The following CSPP1 variants were observed in gnomAD, a reference collection of about 807,000 sequenced individuals.
CSPP1 encodes centrosome and spindle pole associated protein 1, also known as centrosome and spindle pole-associated protein 1.
In CSPP1, 126 loss-of-function variants were observed where a neutral mutation model predicts 164.4. The ratio of observed to expected loss-of-function variants is 0.77; its 90% CI spans 0.66 to 0.89. The LOEUF (loss-of-function observed/expected upper bound fraction) is 0.89, where lower values mean the gene tolerates loss of function less well. CSPP1 is among the 40% of genes least tolerant of loss of function. The probability of loss-of-function intolerance (pLI) is 0.00; values close to 1 mark genes in which losing one functional copy is unlikely to be tolerated. For synonymous variants in CSPP1, 472 were observed against 476.7 expected (o/e 0.99, Z 0.13); for missense variants, 1,395 against 1,449.8 (o/e 0.96, Z 0.61).
At chr8:67,091,477 TGAA>T (rs1811594784) in intron 4 of CSPP1, among the ~76,000 whole-genome samples, 1 of 152,224 alleles carries the variant, frequency 6.6e-6, no homozygotes, top group South Asian at 2.1e-4. Context: ...GCACTGATAA[TGAA>T]GAGTACATGC....
chr8:67,191,740 A>G (rs1252576021), intron 29 of CSPP1, among the ~76,000 whole-genome samples: 1 of 152,134 alleles, frequency 6.6e-6, no homozygotes. Flanking sequence ...GAAGTTTCTG[A>G]TGTTTTTATT....
intron 7 of CSPP1, among the ~76,000 whole-genome samples, chr8:67,100,724 C>T (rs1813884911): frequency 6.6e-6 from 1 of 150,692 alleles, no homozygotes; most frequent in Admixed American, 6.6e-5. Context: ...GGACTATAGG[C>T]ATGAGCCGCC....
chr8:67,169,812 G>A (rs2129565524), intron 24 of CSPP1, among the ~76,000 whole-genome samples: 1 of 152,134 alleles, frequency 6.6e-6, no homozygotes, highest in African/African-American at 2.4e-5. Context: ...GCAGTGGCAT[G>A]ATCTTGGCTC....
intron 28 of CSPP1, among the ~76,000 whole-genome samples, chr8:67,188,307 C>A (rs1306871347): frequency 6.6e-6 from 1 of 152,166 alleles, no homozygotes; most frequent in African/African-American, 2.4e-5. Flanking sequence ...CAAATCTAGG[C>A]CGACTAAGAA....
intron 16 of CSPP1, chr8:67,133,519 C>G (rs1191657989): frequency 6.6e-6 from 1 of 152,214 alleles, no homozygotes. Flanking sequence ...TTTAAAAATA[C>G]TGTATTGCTA....
rs547526195 is a variant in CSPP1, at chr8:67,196,483, A to C, written c.*890A>C. ...TTGTGACATTCTGACTCAGATTAGA[A>C]TCTCAGAACCATGACAGCTGAGAAC... On this transcript the variant is annotated 3_prime_UTR_variant, in exon 31 of 31. Transcript: ENST00000678616. Among the ~76,000 whole-genome samples, 21 of 152,358 alleles carry C rather than the reference A, an allele frequency of 1.4e-4. No homozygotes were observed. Among genetic ancestry groups the C allele is most frequent in the African/African-American group, 5.1e-4 (21 of 41,584 alleles).
chr8:67,073,203 A>T (rs1807198590), intron 1 of CSPP1, among the ~76,000 whole-genome samples: 1 of 152,224 alleles, frequency 6.6e-6, no homozygotes, highest in Admixed American at 6.5e-5. Flanking sequence ...TTAGCAGTTC[A>T]GGAATTAGAC....
chr8:67,102,979 T>A (rs1814462803), intron 7 of CSPP1, 58 bp from the exon 8 acceptor site: 2 of 948,896 alleles, frequency 2.1e-6, no homozygotes, highest in Admixed American at 2.1e-5. Context: ...AACACCAAAC[T>A]GTTATAAGAA....
At chr8:67,104,825 T>A (rs930193247) in intron 8 of CSPP1, among the ~76,000 whole-genome samples, 3 of 148,286 alleles carry the variant, frequency 2.0e-5, no homozygotes, top group Non-Finnish European at 4.5e-5. Context: ...TTTTTAGTAG[T>A]GATGGGATTT....
At chr8:67,164,357 G>A in intron 23 of CSPP1, 34 bp from the exon 24 acceptor site, 2 of 983,690 alleles carry the variant, frequency 2.0e-6, no homozygotes, top group South Asian at 1.3e-5. Context: ...TCTTATTCCT[G>A]TCTTGTGTTT....
At chr8:67,159,926 T>C (rs201829038) in intron 21 of CSPP1, among the ~76,000 whole-genome samples, 6 of 41,558 alleles carry the variant, frequency 1.4e-4, no homozygotes, top group African/African-American at 3.3e-4. Flanking sequence ...CTTTCTTTCC[T>C]TTCCTTCCTT....
intron 1 of CSPP1, among the ~76,000 whole-genome samples, chr8:67,066,983 T>C (rs945995007): frequency 6.6e-6 from 1 of 152,226 alleles, no homozygotes; most frequent in Non-Finnish European, 1.5e-5. Flanking sequence ...CTCAAACTCC[T>C]GACCTCAAGC....
chr8:67,180,153 C>T (rs538980963), intron 28 of CSPP1, among the ~76,000 whole-genome samples: 10 of 152,124 alleles, frequency 6.6e-5, no homozygotes, highest in South Asian at 6.2e-4. Flanking sequence ...CATGAATGTT[C>T]GTAACAGCCT....
At chr8:67,142,539 G>A (rs1193250514) in intron 17 of CSPP1, among the ~76,000 whole-genome samples, 1 of 152,080 alleles carries the variant, frequency 6.6e-6, no homozygotes, top group Non-Finnish European at 1.5e-5. Context: ...TTTTCTGAAG[G>A]TATCACAGTT....
intron 7 of CSPP1, among the ~76,000 whole-genome samples, chr8:67,101,129 T>A (rs990322524): frequency 2.6e-5 from 4 of 152,142 alleles, no homozygotes; most frequent in African/African-American, 7.2e-5. Flanking sequence ...ATTGTAACAA[T>A]ATAAGGAAAT....
intron 17 of CSPP1, among the ~76,000 whole-genome samples, chr8:67,143,059 G>A (rs879624379): frequency 7.2e-5 from 11 of 152,052 alleles, no homozygotes; most frequent in African/African-American, 2.4e-4. Flanking sequence ...TACCTTGTTC[G>A]AATTTTACCA....
chr8:67,153,341 G>A (rs1437608284), intron 18 of CSPP1, among the ~76,000 whole-genome samples: 1 of 152,038 alleles, frequency 6.6e-6, no homozygotes, highest in Admixed American at 6.6e-5. Context: ...GACTCTAAGG[G>A]TATAATTGTT....
intron 15 of CSPP1, among the ~76,000 whole-genome samples, chr8:67,131,063 T>C (rs1821140349): frequency 6.6e-6 from 1 of 152,074 alleles, no homozygotes; most frequent in Admixed American, 6.5e-5. Context: ...CTAAAATGTT[T>C]TACTGTCTTC....
At chr8:67,195,256 A>AGAG (rs1238144934) in intron 30 of CSPP1, 126 bp from the exon 31 acceptor site, 4 of 728,992 alleles carry the variant, frequency 5.5e-6, no homozygotes, top group East Asian at 2.6e-5. Flanking sequence ...AACAAACAGT[A>AGAG]GAGTTCAGGA....
Sources: gnomAD v4.1 joint callset for allele counts (sites outside exome capture counted in the v4.1 genomes callset) on GRCh38, gnomAD v4.1.1 for gene constraint, MANE v1.5 for transcripts, NCBI Gene and HGNC (gene_info 2026-07-23, HGNC 2026-07-21) for gene names.